Variants in NCKAP5 observed in about 807,000 individuals in gnomAD.
NCKAP5 encodes nck-associated protein 5.
In NCKAP5, 92 loss-of-function variants were observed where a neutral mutation model predicts 167.0. The ratio of observed to expected loss-of-function variants is 0.55; its 90% CI spans 0.47 to 0.66. The LOEUF (loss-of-function observed/expected upper bound fraction) is 0.66, where lower values mean the gene tolerates loss of function less well. NCKAP5 is among the 30% of genes least tolerant of loss of function. NCKAP5 has a pLI of 0.00. For missense variants in NCKAP5, 2,378 were observed against 2,315.0 expected, an observed-to-expected ratio of 1.03 and a Z score of -0.56; for synonymous variants, 891 against 877.4, an observed-to-expected ratio of 1.02 and a Z score of -0.27.
chr2:133,590,118 G>C, the NCKAP5 span, among the ~76,000 whole-genome samples: 1 of 152,132 alleles, frequency 6.6e-6, no homozygotes, highest in African/African-American at 2.4e-5. Flanking sequence ...CTCCCAAGGA[G>C]TGTCCACTTG....
intron 6 of NCKAP5, among the ~76,000 whole-genome samples, chr2:133,083,062 C>A (rs960828228): frequency 1.3e-5 from 2 of 152,070 alleles, no homozygotes; most frequent in Non-Finnish European, 2.9e-5. Flanking sequence ...CTGCAGGATA[C>A]CCTGTGAGTT....
intron 11 of NCKAP5, among the ~76,000 whole-genome samples, chr2:132,823,737 A>G (rs1431570405): frequency 6.6e-6 from 1 of 152,190 alleles, no homozygotes; most frequent in African/African-American, 2.4e-5. Context: ...AATAGCCTAA[A>G]TGCTCTACTT....
chr2:133,455,235 A>C (rs1691776268), intron 3 of NCKAP5, among the ~76,000 whole-genome samples: 1 of 152,080 alleles, frequency 6.6e-6, no homozygotes, highest in Non-Finnish European at 1.5e-5. Flanking sequence ...ATTTTTTGTA[A>C]AGCCTAAAAT....
intron 3 of NCKAP5, among the ~76,000 whole-genome samples, chr2:133,402,444 T>C (rs959271375): frequency 6.6e-6 from 1 of 152,176 alleles, no homozygotes; most frequent in Non-Finnish European, 1.5e-5. Flanking sequence ...GGTAATAATT[T>C]AGTAACAAAG....
chr2:132,681,177 G>C (rs1685175307), intron 19 of NCKAP5, among the ~76,000 whole-genome samples: 1 of 152,008 alleles, frequency 6.6e-6, no homozygotes, highest in African/African-American at 2.4e-5. Context: ...ATGCAGGAAT[G>C]ATAATTGAGC....
intron 6 of NCKAP5, among the ~76,000 whole-genome samples, chr2:133,052,686 C>A (rs941763393): frequency 6.6e-6 from 1 of 151,108 alleles, no homozygotes; most frequent in African/African-American, 2.4e-5. Context: ...CCACTGCACT[C>A]CAGCCTGGGC....
Position 132,782,020 on chromosome 2 carries a change from T to C in NCKAP5, c.4791A>G (p.Gln1597=), listed in dbSNP as rs774950363. ...GTCTATTCCTTGGTTCAATCTTCAG[T>C]TGGTTGTAAATGTCTTGTGGTGTTC... ...NRRTPQDIYN[Q]LKIEPRNRHS... is the part of the protein sequence containing the mutation. Residue 1597 remains glutamine (Q), a synonymous_variant, in exon 14 of 20, where the codon CAA becomes CAG. Transcript: ENST00000409261. 16 of 1,614,014 alleles carry C rather than the reference T, an allele frequency of 9.9e-6. No individual in the cohort carries two copies. In the South Asian group the frequency reaches 1.5e-4, roughly 16 times the overall value.
intron 19 of NCKAP5, among the ~76,000 whole-genome samples, chr2:132,676,282 CCTT>C (rs2104987161): frequency 1.9e-5 from 2 of 107,772 alleles, no homozygotes; most frequent in South Asian, 5.8e-4. Flanking sequence ...GTTGTTTTAT[CCTT>C]TTTTTTTTTT....
chr2:132,865,489 A>G (rs542626554), intron 10 of NCKAP5, among the ~76,000 whole-genome samples: 112 of 152,310 alleles, frequency 7.4e-4, no homozygotes, highest in African/African-American at 2.6e-3. Flanking sequence ...CCAAATATAT[A>G]GAGTCAGTTT....
intron 6 of NCKAP5, among the ~76,000 whole-genome samples, chr2:133,011,200 GT>G (rs1158234743): frequency 1.3e-5 from 2 of 152,106 alleles, no homozygotes; most frequent in Admixed American, 6.5e-5. Context: ...AGGATTGTAA[GT>G]TTTTCCCCCC....
chr2:133,093,941 A>T (rs6719117), intron 6 of NCKAP5, among the ~76,000 whole-genome samples: 9,988 of 152,220 alleles, frequency 0.066, 1,058 homozygotes, highest in African/African-American at 0.22. Context: ...GCAGTCCTGG[A>T]AGGTCCCTAC....
chr2:133,125,719 T>C (rs559829911), intron 6 of NCKAP5, among the ~76,000 whole-genome samples: 2 of 152,332 alleles, frequency 1.3e-5, no homozygotes, highest in Admixed American at 6.5e-5. Context: ...TACCTTTCTT[T>C]ATCCATATTT....
intron 6 of NCKAP5, among the ~76,000 whole-genome samples, chr2:133,033,898 AAG>A (rs1417060423): frequency 6.6e-6 from 1 of 152,150 alleles, no homozygotes; most frequent in African/African-American, 2.4e-5. Flanking sequence ...GAACAAATCT[AAG>A]AGTTACTGGC....
At chr2:133,232,964 C>G (rs1452087758) in intron 4 of NCKAP5, among the ~76,000 whole-genome samples, 3 of 152,074 alleles carry the variant, frequency 2.0e-5, no homozygotes, top group Non-Finnish European at 4.4e-5. Context: ...AATTACAAGG[C>G]AATCAGTGAA....
Position 132,783,194 on chromosome 2 carries a change from C to G in NCKAP5, c.3617G>C (p.Arg1206Thr). The G allele has an allele frequency of 6.2e-7, 1 of 1,613,986 alleles. No homozygotes were observed. Among genetic ancestry groups the G allele is most frequent in the Non-Finnish European group, 8.5e-7 (1 of 1,179,876 alleles). The change falls in exon 14 of 20, where the codon AGA becomes ACA. Residue 1206 changes from arginine (R) to threonine (T), a missense_variant. This residue lies in a region of NCKAP5 where 1,325 missense variants were observed against 1,274.5 expected (regional missense o/e 1.04). Transcript: ENST00000409261. ...PASMEITAGE[R>T]NVTLPDSQAQ... ...TTGTGAATCCGGTAGGGTCACATTTCTTTCACCCGCTGTGATCTCCATGCT... is the reference window on the plus strand; with the variant it reads ...TTGTGAATCCGGTAGGGTCACATTTGTTTCACCCGCTGTGATCTCCATGCT...
At chr2:133,463,010 G>A (rs1220066749) in intron 3 of NCKAP5, among the ~76,000 whole-genome samples, 2 of 152,172 alleles carry the variant, frequency 1.3e-5, no homozygotes, top group Non-Finnish European at 2.9e-5. Context: ...TGTGAACTCT[G>A]GAGCGATTAG....
At chr2:133,495,060 T>A (rs1217344142) in intron 3 of NCKAP5, among the ~76,000 whole-genome samples, 1 of 152,166 alleles carries the variant, frequency 6.6e-6, no homozygotes, top group Non-Finnish European at 1.5e-5. Flanking sequence ...GGTCTTTAGA[T>A]AATAACTTTT....
the NCKAP5 span, among the ~76,000 whole-genome samples, chr2:133,592,361 C>T: frequency 6.6e-6 from 1 of 152,178 alleles, no homozygotes; most frequent in African/African-American, 2.4e-5. Flanking sequence ...TATATAACAC[C>T]TAATGCCAGA....
chr2:133,091,582 G>A (rs2081184993), intron 6 of NCKAP5, among the ~76,000 whole-genome samples: 1 of 152,042 alleles, frequency 6.6e-6, no homozygotes. Context: ...ATTTACAGAT[G>A]TTTTGGTTTA....
Sources: allele counts gnomAD v4.1 joint callset (sites outside exome capture counted in the v4.1 genomes callset), GRCh38; gene constraint gnomAD v4.1.1; regional missense constraint gnomAD v4.1.1; transcripts MANE v1.5; gene names NCBI Gene and HGNC (gene_info 2026-07-23, HGNC 2026-07-21).